The following ITPRID1 variants were observed in gnomAD, a reference collection of about 807,000 sequenced individuals.
The protein encoded by ITPRID1 is ITPR interacting domain containing 1.
In ITPRID1, 96 loss-of-function variants were observed where a neutral mutation model predicts 95.4. The observed-to-expected ratio is 1.01, with a 90% CI of 0.85 to 1.19. The LOEUF is 1.19. Among genes scored for constraint, ITPRID1 ranks in the 50% most tolerant of loss-of-function variants. The pLI, the probability that ITPRID1 is intolerant of heterozygous loss-of-function variation, is 0.00. For synonymous variants in ITPRID1, 510 were observed against 453.6 expected, an observed-to-expected ratio of 1.12 and a Z score of -1.58; for missense variants, 1,339 against 1,252.9, an observed-to-expected ratio of 1.07 and a Z score of -1.04.
chr7:31,640,846 CAA>C (rs1281052448), intron 10 of ITPRID1, among the ~76,000 whole-genome samples: 1 of 152,124 alleles, frequency 6.6e-6, no homozygotes, highest in Admixed American at 6.5e-5. Flanking sequence ...AAATTTTGCT[CAA>C]AGTTTCTCAA....
rs182995092 is a variant in ITPRID1 at position 31,544,460 on chromosome 7, G to A, written c.-97-4966G>A. 6.2e-4 allele frequency among the ~76,000 whole-genome samples: 95 copies of A among 152,230 alleles called. 1 individual carries two copies. The Middle Eastern group carries it at 0.01, about 16-fold the overall frequency. ...AAATTTATGCTGTAAAGGTTCACAT[G>A]TATTTCAGTCTTCTTGTCTGAAAAG... On this transcript the variant is annotated intron_variant, in intron 1 of 14. Coordinates refer to ENST00000615280, the MANE Select transcript of ITPRID1 (RefSeq NM_001257967.3).
chr7:31,580,591 T>G (rs1785364666), intron 9 of ITPRID1, among the ~76,000 whole-genome samples: 1 of 152,144 alleles, frequency 6.6e-6, no homozygotes, highest in Non-Finnish European at 1.5e-5. Context: ...AATTTTTAAA[T>G]TACAATTATT....
At position 31,642,985 on chromosome 7, in the gene ITPRID1, C is replaced by A. The variant is rs778424900; in HGVS notation, c.1615C>A (p.His539Asn). Reference sequence around the variant, plus strand: ...GGGAGAATGCCCAAGGAAAGACAGCCATCTGTGGCAGCTTCTGCCAATGCC... The same window carrying A: ...GGGAGAATGCCCAAGGAAAGACAGCAATCTGTGGCAGCTTCTGCCAATGCC... ...TRGECPRKDS[H>N]LWQLLPMPHA... Residue 539 changes from histidine (H) to asparagine (N), a missense_variant, in exon 12 of 15, where the codon CAT becomes AAT. By Grantham distance (68) the His-to-Asn change is moderately conservative. Transcript: ENST00000615280. 2 of 1,614,040 alleles carry A rather than the reference C, an allele frequency of 1.2e-6. No homozygotes were observed. The highest frequency in any genetic ancestry group is 1.7e-6 in the Non-Finnish European group (2 of 1,179,882).
At chr7:31,529,297 C>T (rs2128129650) in intron 1 of ITPRID1, among the ~76,000 whole-genome samples, 2 of 152,284 alleles carry the variant, frequency 1.3e-5, no homozygotes, top group East Asian at 3.9e-4. Flanking sequence ...GGGTTGGTAA[C>T]ACACAGTGTC....
rs117235203 is a variant in ITPRID1, at chr7:31,532,690, G to A, written c.-97-16736G>A. 4.1e-3 allele frequency among the ~76,000 whole-genome samples: 618 copies of A among 152,180 alleles called. 4 individuals carry two copies. Among genetic ancestry groups the A allele is most frequent in the Non-Finnish European group, 6.6e-3 (451 of 67,994 alleles). On this transcript the variant is annotated intron_variant, in intron 1 of 14. Coordinates refer to ENST00000615280, the MANE Select transcript of ITPRID1 (RefSeq NM_001257967.3). ...GTGTTTAATGCTTTATGAGAAATGC[G>A]CTTGCAAGGTAGAAAGGGTGAGGGA...
At chr7:31,568,249 T>G (rs1784867617) in intron 5 of ITPRID1, among the ~76,000 whole-genome samples, 1 of 152,188 alleles carries the variant, frequency 6.6e-6, no homozygotes, top group African/African-American at 2.4e-5. Flanking sequence ...CTGAAAATGA[T>G]GGGTATTCTT....
intron 1 of ITPRID1, among the ~76,000 whole-genome samples, chr7:31,524,939 G>A (rs56041962): frequency 0.43 from 64,949 of 151,586 alleles, 15,229 homozygotes; most frequent in East Asian, 0.61. Flanking sequence ...AAATACAAAA[G>A]GTAAGATTCA....
At chr7:31,553,795 A>G (rs1309277261) in intron 3 of ITPRID1, among the ~76,000 whole-genome samples, 1 of 152,186 alleles carries the variant, frequency 6.6e-6, no homozygotes, top group Admixed American at 6.5e-5. Flanking sequence ...TGATAGGATA[A>G]AGTCAAACAA....
At position 31,654,032 on chromosome 7, in the gene ITPRID1, G is replaced by A. The variant is rs1008336408; in HGVS notation, c.*1203G>A. Among the ~76,000 whole-genome samples, 6 of 121,124 alleles carry A rather than the reference G, an allele frequency of 5.0e-5. No individual in the cohort carries two copies. Among genetic ancestry groups the A allele is most frequent in the South Asian group, 2.9e-4 (1 of 3,466 alleles). The allele number at this position is 121,124 out of a possible 152,430, so 79.5% of individuals were successfully genotyped here. Reference sequence around the variant, plus strand: ...GACAGATGGACTTTCTACTCAGAAAGAGTTGGATGAAGAGTAAGTCCAAAA... The same window carrying A: ...GACAGATGGACTTTCTACTCAGAAAAAGTTGGATGAAGAGTAAGTCCAAAA... On this transcript the variant is annotated 3_prime_UTR_variant, in exon 15 of 15. Transcript: ENST00000615280.
intron 10 of ITPRID1, among the ~76,000 whole-genome samples, chr7:31,640,515 C>G (rs866158640): frequency 6.6e-6 from 1 of 152,356 alleles, no homozygotes; most frequent in South Asian, 2.1e-4. Context: ...TGGGTTCCCC[C>G]TTCTCATGCC....
At chr7:31,548,179 A>C (rs149590185) in intron 1 of ITPRID1, among the ~76,000 whole-genome samples, 43 of 152,246 alleles carry the variant, frequency 2.8e-4, no homozygotes, top group Non-Finnish European at 4.6e-4. Context: ...ATAGGAATCA[A>C]GCAGAGGGAA....
intron 1 of ITPRID1, among the ~76,000 whole-genome samples, chr7:31,519,616 C>CTATATATATATATATATATA (rs1340353008): frequency 5.2e-5 from 2 of 38,478 alleles, no homozygotes; most frequent in South Asian, 1.4e-3. Context: ...CTCTCTCTCT[C>CTATATATATATATATATATA]TCTCTATATA....
chr7:31,555,672 G>T (rs1411523622), intron 5 of ITPRID1, among the ~76,000 whole-genome samples: 1 of 152,136 alleles, frequency 6.6e-6, no homozygotes, highest in African/African-American at 2.4e-5. Flanking sequence ...TGAAGAATTT[G>T]TGTGAAAAAA....
At chr7:31,523,359 T>C (rs1275432128) in intron 1 of ITPRID1, among the ~76,000 whole-genome samples, 1 of 151,052 alleles carries the variant, frequency 6.6e-6, no homozygotes, top group Non-Finnish European at 1.5e-5. Flanking sequence ...ACTAGTTGAC[T>C]CTTTAAACTG....
At chr7:31,560,589 G>C (rs934968863) in intron 5 of ITPRID1, among the ~76,000 whole-genome samples, 2 of 152,058 alleles carry the variant, frequency 1.3e-5, no homozygotes, top group Non-Finnish European at 2.9e-5. Flanking sequence ...ATGTAGACAG[G>C]GCAGCATATG....
chr7:31,515,605 A>T (rs1783018723), intron 1 of ITPRID1, among the ~76,000 whole-genome samples: 1 of 152,144 alleles, frequency 6.6e-6, no homozygotes, highest in East Asian at 1.9e-4. Context: ...AACAAAAAAG[A>T]GTCAAATGTA....
At position 31,566,923 on chromosome 7, in the gene ITPRID1, C is replaced by T. The variant is rs151317093; in HGVS notation, c.257-2835C>T. ...AACTCTGGCTCCTGAAGGTGCCTCACGGGTGAGGGAAGAGCTAAGTGGAAG... is the reference window on the plus strand; with the variant it reads ...AACTCTGGCTCCTGAAGGTGCCTCATGGGTGAGGGAAGAGCTAAGTGGAAG... On this transcript the variant is annotated intron_variant, in intron 5 of 14. Transcript: ENST00000615280. Among the ~76,000 whole-genome samples, 120 of 152,232 alleles carry T rather than the reference C, an allele frequency of 7.9e-4. 2 individuals are homozygous for T. In the East Asian group the frequency reaches 0.019, roughly 24 times the overall value.
intron 5 of ITPRID1, among the ~76,000 whole-genome samples, chr7:31,555,693 T>C (rs906101415): frequency 3.3e-5 from 5 of 152,156 alleles, no homozygotes; most frequent in Non-Finnish European, 7.3e-5. Flanking sequence ...TGACATAAAT[T>C]AGGAACTTAA....
Position 31,572,090 on chromosome 7 carries a change from T to C in ITPRID1, c.309-12T>C, listed in dbSNP as rs775450931. 2 of 1,570,440 alleles carry C rather than the reference T, an allele frequency of 1.3e-6. No individual in the cohort carries two copies. The highest frequency in any genetic ancestry group is 1.8e-6 in the Non-Finnish European group (2 of 1,142,452). On this transcript the variant is annotated splice_polypyrimidine_tract_variant and intron_variant, in intron 6 of 14. Coordinates refer to ENST00000615280, the MANE Select transcript of ITPRID1 (RefSeq NM_001257967.3). Reference sequence around the variant, plus strand: ...TCAACACATCTCATTGTTGATATTTTCCCAACTGTAGATCTTTGCATCAGT... The same window carrying C: ...TCAACACATCTCATTGTTGATATTTCCCCAACTGTAGATCTTTGCATCAGT...
Sources: allele counts gnomAD v4.1 joint callset (sites outside exome capture counted in the v4.1 genomes callset), GRCh38; gene constraint gnomAD v4.1.1; transcripts MANE v1.5; gene names NCBI Gene and HGNC (gene_info 2026-07-23, HGNC 2026-07-21).